SMIM36: variants seen among roughly 807,000 people sequenced by gnomAD.
SMIM36 encodes the protein small integral membrane protein 36.
At chr17:55,473,622 A>C (rs1282569589) in intron 3 of SMIM36, among the ~76,000 whole-genome samples, 1 of 152,154 alleles carries the variant, frequency 6.6e-6, no homozygotes, top group Admixed American at 6.5e-5. Context: ...ATGGTCTTTT[A>C]AAAACACGCC....
intron 3 of SMIM36, among the ~76,000 whole-genome samples, chr17:55,470,336 G>A (rs1347281857): frequency 6.6e-6 from 1 of 152,182 alleles, no homozygotes; most frequent in Non-Finnish European, 1.5e-5. Context: ...CGCCTTGGAA[G>A]CCCCCTGGAC....
exon 1 of SMIM36, chr17:55,511,390 G>A: frequency 2.5e-6 from 1 of 397,788 alleles, no homozygotes; most frequent in Non-Finnish European, 4.4e-6. Flanking sequence ...GGTCAGTTTG[G>A]GCATTGCAGA....
chr17:55,528,000 T>A, the SMIM36 span: 1 of 152,290 alleles, frequency 6.6e-6, no homozygotes, highest in Admixed American at 6.5e-5. Flanking sequence ...CCGTTCTTCC[T>A]CCTCTGGAAA....
At chr17:55,495,148 G>A (rs950073505) in intron 1 of SMIM36, among the ~76,000 whole-genome samples, 2 of 152,150 alleles carry the variant, frequency 1.3e-5, no homozygotes, top group African/African-American at 4.8e-5. Flanking sequence ...TGGTCTGTAG[G>A]TATATCCAAT....
At chr17:55,498,892 G>A (rs936712226) in intron 1 of SMIM36, among the ~76,000 whole-genome samples, 2 of 151,150 alleles carry the variant, frequency 1.3e-5, no homozygotes, top group East Asian at 3.9e-4. Context: ...CCAGTTAATG[G>A]GGAGACTGAG....
chr17:55,525,316 GATTA>G, the SMIM36 span, among the ~76,000 whole-genome samples: 2 of 152,036 alleles, frequency 1.3e-5, no homozygotes, highest in Admixed American at 1.3e-4. Context: ...TTGCCTCATT[GATTA>G]ATTGATTGAT....
In SMIM36 at chr17:55,470,031, G is replaced by A. The variant is rs370251999; in HGVS notation, c.*348-2703C>T. On this transcript the variant is annotated intron_variant, in intron 3 of 4. Transcript: ENST00000636752. ...AACTTCAAAACACCTAAACTGCAGCGGCCAGGCGTTCCTCCAGGACCTCCT... is the reference window on the plus strand; with the variant it reads ...AACTTCAAAACACCTAAACTGCAGCAGCCAGGCGTTCCTCCAGGACCTCCT... Among the ~76,000 whole-genome samples the A allele has an allele frequency of 7.2e-5, 11 of 151,904 alleles. No homozygotes were observed. The East Asian group carries it at 7.7e-4, about 11-fold the overall frequency.
chr17:55,481,602 T>C (rs920817396), intron 1 of SMIM36, among the ~76,000 whole-genome samples: 2 of 152,208 alleles, frequency 1.3e-5, no homozygotes, highest in African/African-American at 4.8e-5. Flanking sequence ...ATAAGTGTTC[T>C]AGCTAAGAAA....
the SMIM36 span, among the ~76,000 whole-genome samples, chr17:55,529,955 G>A: frequency 6.6e-6 from 1 of 152,204 alleles, no homozygotes; most frequent in African/African-American, 2.4e-5. Flanking sequence ...CTGATAAACT[G>A]AGACTGTTTC....
At position 55,500,774 on chromosome 17, in the gene SMIM36, TATATA is replaced by T. The variant is rs1258592499; in HGVS notation, c.*174+10100_*174+10104del. ...TTCACTTATGTTTTATATTTTATAA[TATATA>T]ATATATTATTATATATTTTATAATA... On this transcript the variant is annotated intron_variant, in intron 1 of 4. Transcript: ENST00000636752. Among the ~76,000 whole-genome samples the T allele has an allele frequency of 2.0e-4, 13 of 65,748 alleles. 2 individuals carry two copies. The highest frequency in any genetic ancestry group is 8.3e-4 in the African/African-American group (8 of 9,638). The allele number at this position is 65,748 out of a possible 152,430, so 43.1% of individuals were successfully genotyped here. A position where few individuals can be genotyped will look rare whatever the true frequency, so the allele number is the denominator to read the frequency against.
intron 1 of SMIM36, among the ~76,000 whole-genome samples, chr17:55,484,015 C>T (rs1287101913): frequency 1.3e-5 from 2 of 152,224 alleles, no homozygotes; most frequent in East Asian, 3.9e-4. Context: ...CTCCAGGGAA[C>T]CCTGACTAAT....
At chr17:55,527,713 A>T in the SMIM36 span, 1 of 152,258 alleles carries the variant, frequency 6.6e-6, no homozygotes, top group African/African-American at 2.4e-5. Context: ...GTGCACGCTT[A>T]CCAAGAGAGG....
rs147501847 is a variant in SMIM36, at chr17:55,461,963, G to A, written c.*531+5182C>T. Among the ~76,000 whole-genome samples, 155 of 152,304 alleles carry A rather than the reference G, an allele frequency of 1.0e-3. 1 individual carries two copies. Among genetic ancestry groups the A allele is most frequent in the African/African-American group, 3.7e-3 (153 of 41,568 alleles). ...AGGGATCCACTGAGCCACTGATCTG[G>A]AGTAACAAATGGGAAAGATTGTAGA... is the stretch of plus-strand genomic sequence containing the variant. On this transcript the variant is annotated intron_variant, in intron 4 of 4. Transcript: ENST00000636752.
chr17:55,512,587 C>T (rs536674073), upstream of SMIM36, among the ~76,000 whole-genome samples: 4 of 152,356 alleles, frequency 2.6e-5, no homozygotes, highest in African/African-American at 9.6e-5. Context: ...AGCCTGGTCC[C>T]AATAGTCCCG....
chr17:55,485,635 C>T (rs994404197), intron 1 of SMIM36, among the ~76,000 whole-genome samples: 1 of 152,134 alleles, frequency 6.6e-6, no homozygotes, highest in Non-Finnish European at 1.5e-5. Context: ...GTTGTTGGGT[C>T]TAAGAACACA....
intron 4 of SMIM36, among the ~76,000 whole-genome samples, chr17:55,452,126 G>GGA (rs138941673): frequency 4.9e-4 from 67 of 136,068 alleles, no homozygotes; most frequent in African/African-American, 1.8e-3. Context: ...AAAAAAAAAG[G>GGA]AAACACTTTT....
chr17:55,473,920 G>C (rs776814115), intron 3 of SMIM36, among the ~76,000 whole-genome samples: 38 of 152,174 alleles, frequency 2.5e-4, no homozygotes, highest in Non-Finnish European at 5.0e-4. Context: ...GGGCCTGGTA[G>C]TTTAAAGATC....
At chr17:55,492,947 T>C (rs1185006846) in intron 1 of SMIM36, among the ~76,000 whole-genome samples, 1 of 152,230 alleles carries the variant, frequency 6.6e-6, no homozygotes, top group Non-Finnish European at 1.5e-5. Context: ...TTTACGTTCT[T>C]TCTAAAGAGT....
chr17:55,518,362 C>T, the SMIM36 span, among the ~76,000 whole-genome samples: 1 of 152,196 alleles, frequency 6.6e-6, no homozygotes, highest in Non-Finnish European at 1.5e-5. Context: ...CTTCTCAGCA[C>T]TGTTGAATTG....
Sources: allele counts gnomAD v4.1 joint callset (sites outside exome capture counted in the v4.1 genomes callset), GRCh38; gene constraint gnomAD v4.1.1; transcripts MANE v1.5; gene names NCBI Gene and HGNC (gene_info 2026-07-23, HGNC 2026-07-21).